Variants in NAA16 observed in about 807,000 individuals in gnomAD.
NAA16 encodes the protein N-alpha-acetyltransferase 16, NatA auxiliary subunit, also known as NARG1-like protein.
In NAA16, 97 loss-of-function variants were observed where a neutral mutation model predicts 110.3. The ratio of observed to expected loss-of-function variants is 0.88; its 90% CI spans 0.75 to 1.04. NAA16 has a LOEUF of 1.04. Ranked by LOEUF, NAA16 falls within the 50% of genes least tolerant of loss-of-function variation. The probability of loss-of-function intolerance (pLI) is 0.00; values close to 1 mark genes in which losing one functional copy is unlikely to be tolerated. For missense variants in NAA16, 1,017 were observed against 1,005.1 expected (o/e 1.01, Z -0.16); for synonymous variants, 372 against 330.6 (o/e 1.13, Z -1.36).
Position 41,320,509 on chromosome 13 carries a change from G to A in NAA16, c.245-158G>A, listed in dbSNP as rs566139283. 5.9e-5 allele frequency among the ~76,000 whole-genome samples: 9 copies of A among 152,180 alleles called. No individual in the cohort carries two copies. The South Asian group carries it at 1.7e-3, about 28-fold the overall frequency. Reference sequence around the variant, plus strand: ...TATCAACCCAGCCTGCTCTGGTTTCGTCTTTAACTTCCCCTCACCATTCCC... The same window carrying A: ...TATCAACCCAGCCTGCTCTGGTTTCATCTTTAACTTCCCCTCACCATTCCC... On this transcript the variant is annotated intron_variant, in intron 3 of 19. Coordinates refer to ENST00000379406, the MANE Select transcript of NAA16 (RefSeq NM_024561.5).
chr13:41,356,827 C>G (rs1421462900), intron 10 of NAA16, among the ~76,000 whole-genome samples: 2 of 152,194 alleles, frequency 1.3e-5, no homozygotes, highest in African/African-American at 4.8e-5. Flanking sequence ...TGCTGTATTT[C>G]ACTGTCATTC....
At chr13:41,342,872 G>A (rs1566271679) in intron 9 of NAA16, among the ~76,000 whole-genome samples, 2 of 152,178 alleles carry the variant, frequency 1.3e-5, no homozygotes, top group African/African-American at 4.8e-5. Context: ...ATTTGTGTAA[G>A]TTTGTAGCAC....
intron 13 of NAA16, among the ~76,000 whole-genome samples, chr13:41,366,234 T>C (rs2043205186): frequency 6.6e-6 from 1 of 152,196 alleles, no homozygotes. Context: ...TACTATGTAC[T>C]TTTATTATAA....
At chr13:41,335,184 A>G (rs528185406) in intron 8 of NAA16, among the ~76,000 whole-genome samples, 7 of 149,852 alleles carry the variant, frequency 4.7e-5, no homozygotes, top group African/African-American at 1.7e-4. Flanking sequence ...AATAGAAAAC[A>G]AAATATTAAC....
In NAA16 at chr13:41,325,799, A is replaced by T; in HGVS notation, c.639A>T (p.Ile213=). The T allele has an allele frequency of 6.2e-7, 1 of 1,610,408 alleles. No homozygotes were observed. The highest frequency in any genetic ancestry group is 8.5e-7 in the Non-Finnish European group (1 of 1,177,894). ...ADLLQESLEH[I]EMYEKQICDK... Reference sequence around the variant, plus strand: ...TGTTGCAGGAATCTTTGGAACATATAGAAATGTATGAGAAACAAATATGTG... The same window carrying T: ...TGTTGCAGGAATCTTTGGAACATATTGAAATGTATGAGAAACAAATATGTG... Residue 213 remains isoleucine (I), a synonymous_variant, in exon 6 of 20, where the codon ATA becomes ATT. Coordinates refer to ENST00000379406, the MANE Select transcript of NAA16 (RefSeq NM_024561.5).
At chr13:41,328,917 C>T in intron 7 of NAA16, 74 bp downstream of exon 7, 1 of 1,285,710 alleles carries the variant, frequency 7.8e-7, no homozygotes, top group Non-Finnish European at 1.1e-6. Context: ...TGTAATAATA[C>T]TTGGGAACAA....
In NAA16 at chr13:41,361,892, A is replaced by G. The variant is rs984147403; in HGVS notation, c.1411-139A>G. 9 of 916,662 alleles carry G rather than the reference A, an allele frequency of 9.8e-6. 1 individual carries two copies. Among genetic ancestry groups the G allele is most frequent in the Middle Eastern group, 3.0e-4 (1 of 3,376 alleles). 56.8% of individuals were successfully genotyped at this position (916,662 alleles called of 1,614,324 possible). ...GGAGAGACTATTGTAGTATAAAACC[A>G]TGTTTGGAAACATACTGATATATTT... On this transcript the variant is annotated intron_variant, in intron 12 of 19. Coordinates refer to ENST00000379406, the MANE Select transcript of NAA16 (RefSeq NM_024561.5).
Position 41,375,454 on chromosome 13 carries a change from G to A in NAA16, c.2447G>A (p.Cys816Tyr), listed in dbSNP as rs2043410591. 7 of 1,612,834 alleles carry A rather than the reference G, an allele frequency of 4.3e-6. No individual in the cohort carries two copies. Among genetic ancestry groups the A allele is most frequent in the African/African-American group, 1.3e-5 (1 of 74,902 alleles). The part of the protein sequence containing the change: ...EALLDGSFGN[C>Y]SSQYEEYRMA... The stretch of plus-strand genomic sequence containing the variant: ...CTGCTTGATGGCAGCTTTGGGAACT[G>A]TAGTTCCCAATATGAAGAATATAGG... Residue 816 changes from cysteine (C) to tyrosine (Y), a missense_variant, in exon 20 of 20, where the codon TGT (cysteine) becomes TAT (tyrosine). Physicochemically the swap from Cys to Tyr is radical, Grantham distance 194. Transcript: ENST00000379406.
intron 8 of NAA16, among the ~76,000 whole-genome samples, chr13:41,335,491 G>A (rs761618058): frequency 6.6e-6 from 1 of 152,134 alleles, no homozygotes; most frequent in Non-Finnish European, 1.5e-5. Flanking sequence ...AGGAATTACT[G>A]GAAAGGTTCG....
intron 5 of NAA16, among the ~76,000 whole-genome samples, chr13:41,324,958 T>TG (rs1491426812): frequency 0.039 from 7 of 178 alleles, no homozygotes; most frequent in South Asian, 0.083. Context: ...TTTAGTTTAG[T>TG]TTTTTTTTTT....
chr13:41,328,997 A>G (rs1296783387), intron 7 of NAA16, among the ~76,000 whole-genome samples, 154 bp downstream of exon 7: 1 of 152,076 alleles, frequency 6.6e-6, no homozygotes, highest in African/African-American at 2.4e-5. Flanking sequence ...GTAAAAATGA[A>G]TTCAAATAGT....
chr13:41,358,283 T>G, intron 10 of NAA16, 21 bp from the exon 11 acceptor site: 1 of 1,592,922 alleles, frequency 6.3e-7, no homozygotes, highest in Non-Finnish European at 8.6e-7. Flanking sequence ...CTATAATAAT[T>G]TAATATTTGT....
intron 15 of NAA16, among the ~76,000 whole-genome samples, chr13:41,372,001 A>G (rs2043329393): frequency 6.6e-6 from 1 of 152,122 alleles, no homozygotes; most frequent in Non-Finnish European, 1.5e-5. Flanking sequence ...TTGTAACCAG[A>G]AAAAAAGCTA....
rs1466781727 is a variant in NAA16 at position 41,318,861 on chromosome 13, T to G, written c.195T>G (p.Ala65=). 4.4e-6 allele frequency: 7 copies of G among 1,605,468 alleles called. No homozygotes were observed. The highest frequency in any genetic ancestry group is 6.0e-6 in the Non-Finnish European group (7 of 1,176,182). The stretch of plus-strand genomic sequence containing the variant: ...ACTGTTTAGGAAAAAAAGAAGAAGC[T>G]TATGAGTTTGTTCGTAAAGGACTTC... ...TLNCLGKKEE[A]YEFVRKGLRN... Residue 65 remains alanine, a synonymous_variant, in exon 3 of 20, where the codon GCT becomes GCG. Transcript: ENST00000379406.
chr13:41,358,529 C>A, intron 11 of NAA16, 56 bp downstream of exon 11: 1 of 1,593,448 alleles, frequency 6.3e-7, no homozygotes, highest in Admixed American at 1.8e-5. Context: ...CTTTAAGAAT[C>A]CTTGGAGTTT....
chr13:41,361,114 C>A (rs3829396), intron 12 of NAA16, among the ~76,000 whole-genome samples: 14,152 of 152,152 alleles, frequency 0.093, 780 homozygotes, highest in East Asian at 0.23. Context: ...TTAAATGTCT[C>A]TTCTAAACTG....
chr13:41,361,809 C>T (rs907592179), intron 12 of NAA16, among the ~76,000 whole-genome samples: 5 of 152,172 alleles, frequency 3.3e-5, no homozygotes, highest in African/African-American at 9.7e-5. Context: ...CCTTTAATAT[C>T]TTTAGACCAT....
intron 9 of NAA16, among the ~76,000 whole-genome samples, chr13:41,342,381 G>A (rs530437769): frequency 6.6e-6 from 1 of 152,112 alleles, no homozygotes; most frequent in African/African-American, 2.4e-5. Context: ...CAAGCAATCC[G>A]CCATCCTTGG....
At chr13:41,314,442 C>G (rs1207748686) in intron 1 of NAA16, among the ~76,000 whole-genome samples, 1 of 152,108 alleles carries the variant, frequency 6.6e-6, no homozygotes, top group East Asian at 1.9e-4. Context: ...GCAGTATATT[C>G]ACATGGTTCA....
Sources: allele counts gnomAD v4.1 joint callset (sites outside exome capture counted in the v4.1 genomes callset), GRCh38; gene constraint gnomAD v4.1.1; transcripts MANE v1.5; gene names NCBI Gene and HGNC (gene_info 2026-07-23, HGNC 2026-07-21).